TAFA2: variants seen among roughly 807,000 people sequenced by gnomAD.
TAFA2 encodes the protein TAFA chemokine like family member 2.
In TAFA2, 7 loss-of-function variants were observed where a neutral mutation model predicts 18.8. The ratio of observed to expected loss-of-function variants is 0.37; its 90% CI spans 0.21 to 0.70. The LOEUF (loss-of-function observed/expected upper bound fraction) is 0.70. TAFA2 is among the 30% of genes least tolerant of loss of function. TAFA2 has a pLI of 0.53. For synonymous variants in TAFA2, 60 were observed against 54.2 expected (o/e 1.11, Z -0.47); for missense variants, 122 against 158.1 (o/e 0.77, Z 1.23).
At chr12:62,232,845 T>C (rs1368061325) in intron 1 of TAFA2, among the ~76,000 whole-genome samples, 1 of 152,016 alleles carries the variant, frequency 6.6e-6, no homozygotes, top group East Asian at 1.9e-4. Context: ...TGTCCTACTT[T>C]GGGTGATACT....
intron 1 of TAFA2, among the ~76,000 whole-genome samples, chr12:61,926,153 A>AGGTTG (rs1877281488): frequency 6.6e-6 from 1 of 151,556 alleles, no homozygotes; most frequent in Admixed American, 6.6e-5. Context: ...TAAACAAGTC[A>AGGTTG]AATCCCTGAA....
chr12:61,749,187 C>T (rs1381717258), intron 4 of TAFA2, among the ~76,000 whole-genome samples: 1 of 151,706 alleles, frequency 6.6e-6, no homozygotes, highest in Non-Finnish European at 1.5e-5. Flanking sequence ...GCATGAGAAT[C>T]GCTTGAACTC....
chr12:61,925,246 T>C (rs1387776937), intron 1 of TAFA2, among the ~76,000 whole-genome samples: 1 of 152,172 alleles, frequency 6.6e-6, no homozygotes, highest in Non-Finnish European at 1.5e-5. Context: ...CTAATAGACA[T>C]CTACAGAACT....
chr12:61,976,652 A>G (rs976233699), intron 1 of TAFA2, among the ~76,000 whole-genome samples: 2 of 152,102 alleles, frequency 1.3e-5, no homozygotes, highest in East Asian at 3.9e-4. Context: ...ACTCATTTAC[A>G]TTAGGTATAG....
At chr12:62,017,569 T>C (rs1184767711) in intron 1 of TAFA2, among the ~76,000 whole-genome samples, 3 of 151,962 alleles carry the variant, frequency 2.0e-5, no homozygotes, top group Non-Finnish European at 4.4e-5. Flanking sequence ...GACCTAAGAG[T>C]TGGCCACGTG....
At chr12:62,149,312 CT>C (rs1395862817) in intron 1 of TAFA2, among the ~76,000 whole-genome samples, 1 of 152,040 alleles carries the variant, frequency 6.6e-6, no homozygotes, top group Non-Finnish European at 1.5e-5. Context: ...TGCTAAAGCC[CT>C]TAAAAAGAGT....
intron 1 of TAFA2, among the ~76,000 whole-genome samples, chr12:62,035,634 C>T (rs1881579942): frequency 6.6e-6 from 1 of 150,528 alleles, no homozygotes; most frequent in Non-Finnish European, 1.5e-5. Context: ...AATGGGAAAA[C>T]AGCCAAAGAT....
chr12:62,188,163 C>A (rs1343575320), intron 1 of TAFA2, among the ~76,000 whole-genome samples: 1 of 152,146 alleles, frequency 6.6e-6, no homozygotes, highest in Non-Finnish European at 1.5e-5. Flanking sequence ...TGATGAATTG[C>A]ATTTGCAAAT....
intron 2 of TAFA2, among the ~76,000 whole-genome samples, chr12:61,761,575 TTGAC>T (rs1372356447): frequency 6.6e-6 from 1 of 152,070 alleles, no homozygotes; most frequent in Non-Finnish European, 1.5e-5. Flanking sequence ...ATTGCTAACA[TTGAC>T]TGAATATTTA....
intron 1 of TAFA2, among the ~76,000 whole-genome samples, chr12:62,137,691 A>G (rs2136903112): frequency 6.6e-6 from 1 of 151,954 alleles, no homozygotes; most frequent in South Asian, 2.1e-4. Flanking sequence ...AAGCATCATC[A>G]TCTCCCCCTG....
At chr12:62,155,520 G>A (rs1191260149) in intron 1 of TAFA2, among the ~76,000 whole-genome samples, 1 of 152,032 alleles carries the variant, frequency 6.6e-6, no homozygotes, top group Non-Finnish European at 1.5e-5. Context: ...AAACCTGGAG[G>A]CATCACACTA....
rs551782255 is a variant in TAFA2 at position 62,025,293 on chromosome 12, A to C, written c.-1-157867T>G. Among the ~76,000 whole-genome samples the C allele has an allele frequency of 2.0e-5, 3 of 152,206 alleles. No homozygotes were observed. The South Asian group carries it at 6.2e-4, about 32-fold the overall frequency. ...GAGGGAAACAAGGGCTGAAAAACTA[A>C]CTATTGGGTACTATGCTCAGTACCT... On this transcript the variant is annotated intron_variant, in intron 1 of 4. Coordinates refer to ENST00000416284, the MANE Select transcript of TAFA2 (RefSeq NM_178539.5).
At chr12:62,071,081 G>A (rs1882618267) in intron 1 of TAFA2, among the ~76,000 whole-genome samples, 1 of 152,190 alleles carries the variant, frequency 6.6e-6, no homozygotes, top group Non-Finnish European at 1.5e-5. Flanking sequence ...TGCAGACACA[G>A]TTCTGAGTAC....
chr12:62,107,740 C>T (rs1049093343), intron 1 of TAFA2, among the ~76,000 whole-genome samples: 17 of 152,020 alleles, frequency 1.1e-4, no homozygotes, highest in African/African-American at 3.9e-4. Flanking sequence ...CATAGAAAAC[C>T]TTACCATTTA....
intron 1 of TAFA2, among the ~76,000 whole-genome samples, chr12:62,119,668 A>T (rs1364632205): frequency 6.6e-6 from 1 of 152,198 alleles, no homozygotes; most frequent in Non-Finnish European, 1.5e-5. Flanking sequence ...TAGGTCACAA[A>T]TGAAGAAAAG....
At chr12:61,964,309 A>G (rs571616353) in intron 1 of TAFA2, among the ~76,000 whole-genome samples, 1 of 151,940 alleles carries the variant, frequency 6.6e-6, no homozygotes, top group South Asian at 2.1e-4. Flanking sequence ...AGAAAATTAC[A>G]TCACTCCTTC....
At chr12:61,762,734 T>C (rs1194967085) in intron 2 of TAFA2, among the ~76,000 whole-genome samples, 1 of 151,554 alleles carries the variant, frequency 6.6e-6, no homozygotes, top group African/African-American at 2.4e-5. Flanking sequence ...GAGAGTAAAT[T>C]TAGCGTCAAG....
intron 1 of TAFA2, among the ~76,000 whole-genome samples, chr12:62,090,525 T>A (rs1238398819): frequency 6.6e-6 from 1 of 151,858 alleles, no homozygotes; most frequent in Non-Finnish European, 1.5e-5. Context: ...AGAGAAAGAG[T>A]GCCTCAAGAC....
At chr12:61,774,072 C>CAAATG (rs1407373048) in intron 2 of TAFA2, among the ~76,000 whole-genome samples, 3 of 151,686 alleles carry the variant, frequency 2.0e-5, no homozygotes, top group African/African-American at 7.3e-5. Context: ...ACAAGATATA[C>CAAATG]AAATGACCAA....
Sources: gnomAD v4.1 joint callset for allele counts (sites outside exome capture counted in the v4.1 genomes callset) on GRCh38, gnomAD v4.1.1 for gene constraint, MANE v1.5 for transcripts, NCBI Gene and HGNC (gene_info 2026-07-23, HGNC 2026-07-21) for gene names.